Variants in LGR5 observed in about 807,000 individuals in gnomAD.
LGR5 encodes leucine rich repeat containing G protein-coupled receptor 5.
Under a neutral mutation model 76.7 loss-of-function variants are expected in LGR5, and 54 were observed. That is an observed-to-expected ratio of 0.70 (90% CI 0.57 to 0.88). LGR5 has a LOEUF of 0.88. Ranked by LOEUF, LGR5 falls within the 40% of genes least tolerant of loss-of-function variation. LGR5 has a pLI of 0.00. For missense variants in LGR5, 1,078 were observed against 1,073.3 expected (o/e 1.00, Z -0.06); for synonymous variants, 406 against 421.9 (o/e 0.96, Z 0.46).
intron 1 of LGR5, among the ~76,000 whole-genome samples, chr12:71,456,142 C>T (rs573034773): frequency 2.6e-5 from 4 of 152,232 alleles, no homozygotes; most frequent in African/African-American, 7.2e-5. Flanking sequence ...CCACACATGA[C>T]TATGCTTATA....
At chr12:71,554,480 T>C (rs1877660091) in intron 5 of LGR5, among the ~76,000 whole-genome samples, 1 of 152,254 alleles carries the variant, frequency 6.6e-6, no homozygotes, top group Non-Finnish European at 1.5e-5. Flanking sequence ...GCCTGACTCC[T>C]AAACCATAAT....
At chr12:71,470,138 G>A (rs1320286447) in intron 1 of LGR5, among the ~76,000 whole-genome samples, 2 of 152,136 alleles carry the variant, frequency 1.3e-5, no homozygotes, top group Non-Finnish European at 2.9e-5. Flanking sequence ...TTGATACTGG[G>A]TCATGAAATC....
intron 1 of LGR5, among the ~76,000 whole-genome samples, chr12:71,441,184 G>A (rs1163840586): frequency 2.6e-5 from 4 of 152,076 alleles, no homozygotes; most frequent in African/African-American, 9.7e-5. Context: ...GGCTCATTGC[G>A]TAATTTTTTC....
chr12:71,506,259 C>T (rs1361628138), intron 2 of LGR5, among the ~76,000 whole-genome samples: 5 of 152,082 alleles, frequency 3.3e-5, no homozygotes, highest in Non-Finnish European at 5.9e-5. Context: ...CTATCCTTTT[C>T]CCTTTAATTC....
chr12:71,466,252 C>T (rs1872858924), intron 1 of LGR5, among the ~76,000 whole-genome samples: 1 of 152,264 alleles, frequency 6.6e-6, no homozygotes, highest in African/African-American at 2.4e-5. Flanking sequence ...ATCGAAGGAG[C>T]AAGGAGGATT....
At chr12:71,505,216 CAGA>C (rs1874795164) in intron 2 of LGR5, among the ~76,000 whole-genome samples, 2 of 152,036 alleles carry the variant, frequency 1.3e-5, no homozygotes, top group Non-Finnish European at 2.9e-5. Context: ...GTGAAATCCA[CAGA>C]AGATTTAAAA....
At chr12:71,583,598 T>C (rs1449126654) in intron 17 of LGR5, 49 bp from the exon 18 acceptor site, 9 of 1,551,078 alleles carry the variant, frequency 5.8e-6, no homozygotes, top group Non-Finnish European at 7.8e-6. Context: ...TCAGCAAAAG[T>C]TGTAAACCCT....
At chr12:71,460,493 C>A (rs1478525098) in intron 1 of LGR5, among the ~76,000 whole-genome samples, 2 of 152,058 alleles carry the variant, frequency 1.3e-5, no homozygotes, top group Non-Finnish European at 1.5e-5. Context: ...TGGCAGGTAC[C>A]ATTTAACTCT....
intron 16 of LGR5, among the ~76,000 whole-genome samples, chr12:71,581,922 A>G (rs1216727909): frequency 2.0e-5 from 3 of 152,220 alleles, no homozygotes; most frequent in African/African-American, 4.8e-5. Context: ...CTTTGGGGAA[A>G]TATGTTAGAT....
chr12:71,560,208 A>G (rs1421547873), intron 7 of LGR5, among the ~76,000 whole-genome samples: 2 of 152,352 alleles, frequency 1.3e-5, no homozygotes, highest in Middle Eastern at 6.8e-3. Flanking sequence ...CTAATAGTCT[A>G]ATGTTGGCCA....
At chr12:71,484,185 C>T (rs1210987232) in intron 1 of LGR5, among the ~76,000 whole-genome samples, 1 of 151,986 alleles carries the variant, frequency 6.6e-6, no homozygotes, top group African/African-American at 2.4e-5. Context: ...CTAAGAAAAA[C>T]ATGTAGAGAG....
intron 3 of LGR5, among the ~76,000 whole-genome samples, chr12:71,532,236 GAAAATGTAAAATAACA>G (rs1472498753): frequency 1.3e-5 from 2 of 152,070 alleles, no homozygotes; most frequent in African/African-American, 2.4e-5. Flanking sequence ...AACTGCTTGG[GAAAATGTAAAATAACA>G]AAAATGTAAA....
At position 71,556,652 on chromosome 12, in the gene LGR5, A is replaced by G. The variant is rs1877781981; in HGVS notation, c.678A>G (p.Gly226=). Residue 226 remains glycine, a synonymous_variant, in exon 6 of 18, where the codon GGA becomes GGG. Coordinates refer to ENST00000266674, the MANE Select transcript of LGR5 (RefSeq NM_003667.4). ...ATAACAATAGAATCCACTCCCTGGGAAAGAAATGCTTTGATGGGCTCCACA... is the reference window on the plus strand; with the variant it reads ...ATAACAATAGAATCCACTCCCTGGGGAAGAAATGCTTTGATGGGCTCCACA... The part of the protein sequence containing the change: ...HLHNNRIHSL[G]KKCFDGLHSL... 1.2e-6 allele frequency: 2 copies of G among 1,612,866 alleles called. No homozygotes were observed. The highest frequency in any genetic ancestry group is 1.3e-5 in the African/African-American group (1 of 75,016).
chr12:71,565,881 A>T (rs1449668621), intron 8 of LGR5, among the ~76,000 whole-genome samples: 2 of 152,150 alleles, frequency 1.3e-5, no homozygotes, highest in African/African-American at 4.8e-5. Context: ...CTTTTAAAAC[A>T]ATAATTAATT....
At chr12:71,522,139 A>T (rs1360721696) in intron 2 of LGR5, among the ~76,000 whole-genome samples, 3 of 152,176 alleles carry the variant, frequency 2.0e-5, no homozygotes, top group Non-Finnish European at 2.9e-5. Flanking sequence ...CAGTTCTAGC[A>T]CCCACTAGGG....
At chr12:71,457,247 G>T (rs1179455998) in intron 1 of LGR5, among the ~76,000 whole-genome samples, 1 of 152,164 alleles carries the variant, frequency 6.6e-6, no homozygotes, top group Admixed American at 6.5e-5. Context: ...ACAGAGTCCG[G>T]CCTGGCCGTG....
intron 1 of LGR5, among the ~76,000 whole-genome samples, chr12:71,494,340 A>C (rs1874219029): frequency 6.6e-6 from 1 of 150,528 alleles, no homozygotes; most frequent in South Asian, 2.1e-4. Context: ...GACCTCCCAA[A>C]GTGTTGAGAT....
chr12:71,513,282 A>G (rs1875259854), intron 2 of LGR5, among the ~76,000 whole-genome samples: 1 of 152,228 alleles, frequency 6.6e-6, no homozygotes, highest in Non-Finnish European at 1.5e-5. Flanking sequence ...TGGTAAGAGT[A>G]GTAAGATTGT....
chr12:71,580,163 A>G, intron 15 of LGR5, 115 bp from the exon 16 acceptor site: 1 of 925,856 alleles, frequency 1.1e-6, no homozygotes, highest in Non-Finnish European at 1.6e-6. Context: ...TATACTTTGG[A>G]TTATTTATTT....
Sources: gnomAD v4.1 joint callset for allele counts (sites outside exome capture counted in the v4.1 genomes callset) on GRCh38, gnomAD v4.1.1 for gene constraint, MANE v1.5 for transcripts, NCBI Gene and HGNC (gene_info 2026-07-23, HGNC 2026-07-21) for gene names.